Variants in CNKSR2 observed in about 807,000 individuals in gnomAD.
CNKSR2 encodes CNK homolog protein 2.
A neutral mutation model predicts 84.4 loss-of-function variants in CNKSR2; 14 were observed. The observed-to-expected ratio is 0.17, with a 90% CI of 0.11 to 0.26. CNKSR2 has a LOEUF of 0.26. CNKSR2 is among the 10% of genes least tolerant of loss of function. The pLI is 1.00. For missense variants in CNKSR2, 485 were observed against 771.2 expected (o/e 0.63, Z 4.40); for synonymous variants, 275 against 277.9 (o/e 0.99, Z 0.10).
chrX:21,620,752 A>T, intron 20 of CNKSR2, among the ~76,000 whole-genome samples: 1 of 111,482 alleles, frequency 9.0e-6, no homozygotes, highest in Non-Finnish European at 1.9e-5. Flanking sequence ...GATGGACAAG[A>T]TAGTCTTTGA....
At chrX:21,554,505 T>C (rs1338774428) in intron 11 of CNKSR2, among the ~76,000 whole-genome samples, 1 of 111,056 alleles carries the variant, frequency 9.0e-6, no homozygotes. Flanking sequence ...TCCAAAAGGC[T>C]CCAGTGTATG....
chrX:21,464,377 C>T (rs921802110), intron 4 of CNKSR2, among the ~76,000 whole-genome samples: 4 of 111,998 alleles, frequency 3.6e-5, no homozygotes, highest in African/African-American at 9.7e-5. Flanking sequence ...GTTTTTCCTA[C>T]CTCTTCTGTG....
At chrX:21,632,105 C>G (rs1039895536) in intron 20 of CNKSR2, among the ~76,000 whole-genome samples, 1 of 112,127 alleles carries the variant, frequency 8.9e-6, no homozygotes, top group Non-Finnish European at 1.9e-5. Flanking sequence ...GATTTTACAT[C>G]TTAGTAATAA....
intron 2 of CNKSR2, among the ~76,000 whole-genome samples, chrX:21,432,207 A>C (rs1313076523): frequency 9.0e-6 from 1 of 111,722 alleles, no homozygotes; most frequent in Non-Finnish European, 1.9e-5. Flanking sequence ...AATTATCCCT[A>C]GTACCTACAT....
intron 1 of CNKSR2, among the ~76,000 whole-genome samples, chrX:21,419,503 A>C (rs1251561283): frequency 9.0e-6 from 1 of 111,116 alleles, no homozygotes; most frequent in Non-Finnish European, 1.9e-5. Context: ...GGAATTTATT[A>C]GAGTTTTTGC....
intron 11 of CNKSR2, among the ~76,000 whole-genome samples, chrX:21,533,892 G>A (rs1254123567): frequency 9.0e-6 from 1 of 110,829 alleles, no homozygotes; most frequent in Non-Finnish European, 1.9e-5. Flanking sequence ...AGGGTAATTA[G>A]CATATTCTTC....
chrX:21,549,842 G>A (rs949762456), intron 11 of CNKSR2, among the ~76,000 whole-genome samples: 3 of 112,234 alleles, frequency 2.7e-5, no homozygotes, highest in Non-Finnish European at 5.6e-5. Flanking sequence ...TTAATAAATG[G>A]TGCTGTGAAA....
Position 21,426,731 on chromosome X carries a change from C to T in CNKSR2, c.228+71C>T, listed in dbSNP as rs910017132. ...TTTTGTTGCTTTTCCCTTTTTTCTTCTCCTCTTTTGATAATCGAAATGCAA... is the reference window on the plus strand; with the variant it reads ...TTTTGTTGCTTTTCCCTTTTTTCTTTTCCTCTTTTGATAATCGAAATGCAA... On this transcript the variant is annotated intron_variant, in intron 2 of 21. Coordinates refer to ENST00000379510, the MANE Select transcript of CNKSR2 (RefSeq NM_014927.5). The T allele has an allele frequency of 1.1e-5, 12 of 1,064,126 alleles. No individual in the cohort carries two copies. The African/African-American group carries it at 2.4e-4, about 21-fold the overall frequency. The allele number at this position is 1,064,126 out of a possible 1,213,427, so 87.7% of individuals were successfully genotyped here. A position where few individuals can be genotyped will look rare whatever the true frequency, so the allele number is the denominator to read the frequency against.
chrX:21,441,438 A>G (rs964369048), intron 4 of CNKSR2: 1 of 111,135 alleles, frequency 9.0e-6, no homozygotes, highest in African/African-American at 3.3e-5. Context: ...TGGTGAAACT[A>G]TGGGTGATTT....
chrX:21,555,379 A>T (rs1339503245), intron 11 of CNKSR2, among the ~76,000 whole-genome samples: 3 of 111,856 alleles, frequency 2.7e-5, no homozygotes, highest in African/African-American at 9.7e-5. Context: ...TTTTATCCAG[A>T]AATGAAATTT....
At chrX:21,486,756 A>T (rs2091389453) in intron 5 of CNKSR2, among the ~76,000 whole-genome samples, 3 of 111,935 alleles carry the variant, frequency 2.7e-5, no homozygotes. Flanking sequence ...AGTAATAGAT[A>T]ATATTGTGTT....
At chrX:21,450,412 C>T (rs893034327) in intron 4 of CNKSR2, among the ~76,000 whole-genome samples, 3 of 111,001 alleles carry the variant, frequency 2.7e-5, no homozygotes, top group Non-Finnish European at 5.7e-5. Context: ...ACATAACTGG[C>T]GCTTTTTCAA....
rs1183256320 is a variant in CNKSR2, at chrX:21,599,379, TGTGTGA to T, written c.1977-1901_1977-1896del. On this transcript the variant is annotated intron_variant, in intron 17 of 21. Transcript: ENST00000379510. ...GTGTGTGTGTGTGTGTGTGTGTGTGTGTGTGAGATGGAGTCTCGCTCTGTCACCCAG... is the reference window on the plus strand; with the variant it reads ...GTGTGTGTGTGTGTGTGTGTGTGTGTGATGGAGTCTCGCTCTGTCACCCAG... Among the ~76,000 whole-genome samples, 67 of 105,846 alleles carry T rather than the reference TGTGTGA, an allele frequency of 6.3e-4. 1 individual carries two copies. Among genetic ancestry groups the T allele is most frequent in the African/African-American group, 1.8e-3 (50 of 28,108 alleles). 91.9% of individuals were successfully genotyped at this position (105,846 alleles called of 115,157 possible). A position where few individuals can be genotyped will look rare whatever the true frequency, so the allele number is the denominator to read the frequency against.
intron 13 of CNKSR2, among the ~76,000 whole-genome samples, 170 bp from the exon 14 acceptor site, chrX:21,590,402 G>C (rs1327931932): frequency 9.0e-6 from 1 of 111,624 alleles, no homozygotes; most frequent in Non-Finnish European, 1.9e-5. Flanking sequence ...AGATTAGAAA[G>C]TTAAGTGACA....
At chrX:21,639,959 A>G (rs2092686401) in intron 20 of CNKSR2, among the ~76,000 whole-genome samples, 1 of 111,782 alleles carries the variant, frequency 8.9e-6, no homozygotes. Context: ...CTAGTAGTTG[A>G]AGAGATACCG....
intron 11 of CNKSR2, among the ~76,000 whole-genome samples, chrX:21,546,155 A>G (rs151335213): frequency 2.8e-4 from 31 of 110,324 alleles, no homozygotes; most frequent in Non-Finnish European, 5.7e-4. Flanking sequence ...AACCCAATGC[A>G]AGGAAGCTGA....
At position 21,652,484 on chromosome X, in the gene CNKSR2, T is replaced by C; in HGVS notation, c.3068T>C (p.Leu1023Pro). ...SSEVDVITSS[L>P]AHTHSYIETH... The stretch of plus-strand genomic sequence containing the variant: ...GAAGTAGATGTAATCACTTCCTCTC[T>C]AGCACACACTCATTCATACATTGAA... Residue 1023 changes from leucine to proline, a missense_variant, in exon 22 of 22, where the codon CTA becomes CCA. Transcript: ENST00000379510. 2 of 1,208,642 alleles carry C rather than the reference T, an allele frequency of 1.7e-6. No homozygotes were observed. Among genetic ancestry groups the C allele is most frequent in the African/African-American group, 1.7e-5 (1 of 57,782 alleles).
chrX:21,653,658 T>C lies in CNKSR2; in HGVS notation c.*1137T>C, dbSNP rs1241284410. On this transcript the variant is annotated 3_prime_UTR_variant, in exon 22 of 22. Transcript: ENST00000379510. ...ATTATGAGAGAAACAATTTAGAGGT[T>C]TTTTTCCTGGCTTCATGAATTGTTC... The C allele has an allele frequency of 1.8e-5, 2 of 110,611 alleles. No homozygotes were observed. Among genetic ancestry groups the C allele is most frequent in the African/African-American group, 6.6e-5 (2 of 30,456 alleles). The allele number at this position is 110,611 out of a possible 1,213,427, so 9.1% of individuals were successfully genotyped here.
chrX:21,451,780 A>G (rs1482520477), intron 4 of CNKSR2, among the ~76,000 whole-genome samples: 1 of 108,142 alleles, frequency 9.2e-6, no homozygotes, highest in African/African-American at 3.4e-5. Flanking sequence ...GCACATCAGC[A>G]TGGCACATGT....
Sources: allele counts gnomAD v4.1 joint callset (sites outside exome capture counted in the v4.1 genomes callset), GRCh38; gene constraint gnomAD v4.1.1; transcripts MANE v1.5; gene names NCBI Gene and HGNC (gene_info 2026-07-23, HGNC 2026-07-21).